CSMD3: variants seen among roughly 807,000 people sequenced by gnomAD.
The protein encoded by CSMD3 is CUB and sushi domain-containing protein 3.
CSMD3 carries 177 observed loss-of-function variants against 435.2 expected under a neutral mutation model. The ratio of observed to expected loss-of-function variants is 0.41; its 90% CI spans 0.36 to 0.46. The LOEUF (loss-of-function observed/expected upper bound fraction) is 0.46. Ranked by LOEUF, CSMD3 falls within the 20% of genes least tolerant of loss-of-function variation. The pLI, the probability that CSMD3 is intolerant of heterozygous loss-of-function variation, is 0.34. For missense variants in CSMD3, 4,265 were observed against 4,504.6 expected, an observed-to-expected ratio of 0.95 and a Z score of 1.52; for synonymous variants, 1,656 against 1,520.5, an observed-to-expected ratio of 1.09 and a Z score of -2.07.
chr8:112,709,981 T>G (rs1382298709), intron 13 of CSMD3, among the ~76,000 whole-genome samples: 1 of 152,090 alleles, frequency 6.6e-6, no homozygotes, highest in Non-Finnish European at 1.5e-5. Context: ...AGCCCTTTAA[T>G]AGTCTCAAAA....
At chr8:113,174,226 A>G (rs2092314486) in intron 3 of CSMD3, among the ~76,000 whole-genome samples, 3 of 152,170 alleles carry the variant, frequency 2.0e-5, no homozygotes, top group Admixed American at 1.3e-4. Context: ...TATCATTCAC[A>G]TGGCTTTTTC....
At chr8:113,130,136 G>A (rs184373620) in intron 4 of CSMD3, among the ~76,000 whole-genome samples, 3 of 152,062 alleles carry the variant, frequency 2.0e-5, no homozygotes, top group Admixed American at 2.0e-4. Context: ...CATTATAAAT[G>A]TATTCTTAAA....
chr8:113,170,733 A>G (rs911474517), intron 4 of CSMD3, among the ~76,000 whole-genome samples: 1 of 152,192 alleles, frequency 6.6e-6, no homozygotes, highest in Non-Finnish European at 1.5e-5. Flanking sequence ...TCAGCACATA[A>G]CATAATGCTT....
intron 10 of CSMD3, among the ~76,000 whole-genome samples, chr8:112,892,544 G>T (rs1014131211): frequency 6.6e-6 from 1 of 151,534 alleles, no homozygotes; most frequent in African/African-American, 2.4e-5. Flanking sequence ...TTTTTTAAAA[G>T]AAGTAGATAC....
chr8:113,429,265 A>G (rs898908345), intron 1 of CSMD3, among the ~76,000 whole-genome samples: 2 of 151,812 alleles, frequency 1.3e-5, no homozygotes, highest in Non-Finnish European at 2.9e-5. Flanking sequence ...GTGAAAAAAT[A>G]TGCAGATGAA....
In CSMD3 at chr8:112,482,449, A is replaced by G. The variant is rs141374563; in HGVS notation, c.5279-9742T>C. Among the ~76,000 whole-genome samples the G allele has an allele frequency of 3.7e-4, 57 of 152,336 alleles. No homozygotes were observed. In the East Asian group the frequency reaches 9.8e-3, roughly 26 times the overall value. ...TTGAATGCTTTTTAGCATATTCATG[A>G]GTTTTAAAACTAACACCATTTTCTA... On this transcript the variant is annotated intron_variant, in intron 31 of 70. Coordinates refer to ENST00000297405, the MANE Select transcript of CSMD3 (RefSeq NM_198123.2).
chr8:112,261,957 C>G (rs1816445574), intron 61 of CSMD3, among the ~76,000 whole-genome samples: 1 of 151,716 alleles, frequency 6.6e-6, no homozygotes, highest in Non-Finnish European at 1.5e-5. Flanking sequence ...TGTTTTCACA[C>G]ATATTGATTA....
At chr8:112,573,421 T>C (rs2131300122) in intron 24 of CSMD3, 80 bp downstream of exon 24, 1 of 1,158,934 alleles carries the variant, frequency 8.6e-7, no homozygotes, top group Non-Finnish European at 1.3e-6. Context: ...TTGGATATCA[T>C]TTCAATTTGT....
intron 24 of CSMD3, among the ~76,000 whole-genome samples, chr8:112,558,730 G>A (rs935246856): frequency 6.6e-6 from 1 of 151,800 alleles, no homozygotes; most frequent in African/African-American, 2.4e-5. Flanking sequence ...AGAGAATTGG[G>A]TTTTGCATTA....
At chr8:113,197,267 GA>G (rs2092668179) in intron 3 of CSMD3, among the ~76,000 whole-genome samples, 1 of 150,738 alleles carries the variant, frequency 6.6e-6, no homozygotes, top group Admixed American at 6.6e-5. Flanking sequence ...CAAAATTATT[GA>G]AAATACTGTA....
chr8:113,387,145 T>C (rs2094442765), intron 1 of CSMD3, among the ~76,000 whole-genome samples: 1 of 151,814 alleles, frequency 6.6e-6, no homozygotes, highest in Non-Finnish European at 1.5e-5. Context: ...TATTTTTTAA[T>C]CATTAATTGC....
At chr8:112,853,417 G>A (rs1464097095) in intron 11 of CSMD3, among the ~76,000 whole-genome samples, 1 of 152,018 alleles carries the variant, frequency 6.6e-6, no homozygotes. Context: ...GTAGAGACAG[G>A]GTTTTGCCAT....
chr8:112,767,211 G>T (rs2078001471), intron 13 of CSMD3, among the ~76,000 whole-genome samples: 1 of 151,764 alleles, frequency 6.6e-6, no homozygotes, highest in African/African-American at 2.4e-5. Flanking sequence ...AGTTTACAAA[G>T]ATTTACAGAA....
intron 10 of CSMD3, among the ~76,000 whole-genome samples, chr8:112,862,592 T>TTA (rs1485806155): frequency 6.6e-6 from 1 of 152,030 alleles, no homozygotes; most frequent in Non-Finnish European, 1.5e-5. Flanking sequence ...AGTGAAGATC[T>TTA]TGGTACATTT....
At chr8:112,542,919 G>A (rs377581224) in intron 27 of CSMD3, among the ~76,000 whole-genome samples, 90 of 152,154 alleles carry the variant, frequency 5.9e-4, no homozygotes, top group African/African-American at 2.0e-3. Flanking sequence ...TCTATGAAAC[G>A]GTAACAGGTC....
chr8:112,342,789 T>C (rs1002812652), intron 41 of CSMD3, among the ~76,000 whole-genome samples: 2 of 151,830 alleles, frequency 1.3e-5, no homozygotes, highest in Admixed American at 6.6e-5. Context: ...GTTTAAAATA[T>C]TAAACAACTT....
At chr8:112,848,605 C>CCTTAAA (rs1403749772) in intron 11 of CSMD3, among the ~76,000 whole-genome samples, 1 of 151,976 alleles carries the variant, frequency 6.6e-6, no homozygotes, top group Non-Finnish European at 1.5e-5. Flanking sequence ...ATATATAATT[C>CCTTAAA]CTTAAACTTA....
chr8:112,961,999 T>C lies in CSMD3; in HGVS notation c.1343-7238A>G, dbSNP rs141888898. Among the ~76,000 whole-genome samples the C allele has an allele frequency of 8.5e-5, 13 of 152,130 alleles. No homozygotes were observed. In the East Asian group the frequency reaches 1.4e-3, roughly 16 times the overall value. On this transcript the variant is annotated intron_variant, in intron 7 of 70. Transcript: ENST00000297405. The stretch of plus-strand genomic sequence containing the variant: ...AGTCACCATATGGGAAGGGTTACCA[T>C]TGGTATAGTTCACAGATACTTTTAA...
At chr8:113,386,955 G>A (rs934112610) in intron 1 of CSMD3, among the ~76,000 whole-genome samples, 13 of 151,710 alleles carry the variant, frequency 8.6e-5, no homozygotes, top group Admixed American at 4.0e-4. Context: ...GCAATATAAA[G>A]CATATACATT....
Sources: gnomAD v4.1 joint callset for allele counts (sites outside exome capture counted in the v4.1 genomes callset) on GRCh38, gnomAD v4.1.1 for gene constraint, MANE v1.5 for transcripts, NCBI Gene and HGNC (gene_info 2026-07-23, HGNC 2026-07-21) for gene names.